TACR1: variants seen among roughly 807,000 people sequenced by gnomAD.
TACR1 encodes tachykinin receptor 1.
In TACR1, 25 loss-of-function variants were observed where a neutral mutation model predicts 35.8. The ratio of observed to expected loss-of-function variants is 0.70; its 90% CI spans 0.51 to 0.98. The LOEUF (loss-of-function observed/expected upper bound fraction) is 0.98. Among genes scored for constraint, TACR1 ranks in the 50% least tolerant of loss-of-function variants. TACR1 has a pLI of 0.00. For missense variants in TACR1, 478 were observed against 522.9 expected, an observed-to-expected ratio of 0.91 and a Z score of 0.84; for synonymous variants, 195 against 206.7, an observed-to-expected ratio of 0.94 and a Z score of 0.48.
chr2:75,055,387 C>G (rs927165432), intron 2 of TACR1, among the ~76,000 whole-genome samples: 1 of 152,248 alleles, frequency 6.6e-6, no homozygotes, highest in Admixed American at 6.5e-5. Context: ...ACCTGGCTTT[C>G]AAAGCCCTCT....
chr2:75,089,022 T>C (rs1365291577), intron 2 of TACR1, among the ~76,000 whole-genome samples: 1 of 152,136 alleles, frequency 6.6e-6, no homozygotes, highest in East Asian at 1.9e-4. Flanking sequence ...TTCCATCTGA[T>C]TATAGTGGTT....
intron 1 of TACR1, among the ~76,000 whole-genome samples, chr2:75,166,903 G>A (rs937133919): frequency 6.6e-6 from 1 of 152,222 alleles, no homozygotes; most frequent in Non-Finnish European, 1.5e-5. Flanking sequence ...AGATGCCTTA[G>A]TGTTCTTATA....
At chr2:75,080,494 A>G (rs1357098368) in intron 2 of TACR1, among the ~76,000 whole-genome samples, 1 of 152,166 alleles carries the variant, frequency 6.6e-6, no homozygotes, top group African/African-American at 2.4e-5. Context: ...GTCTTCCTAG[A>G]TCAGAACTTT....
chr2:75,073,081 T>C (rs968136118), intron 2 of TACR1, among the ~76,000 whole-genome samples: 1 of 152,166 alleles, frequency 6.6e-6, no homozygotes, highest in Non-Finnish European at 1.5e-5. Flanking sequence ...GAAACCTCTC[T>C]ATATAAGAGG....
chr2:75,169,614 A>T (rs1190888727), intron 1 of TACR1, among the ~76,000 whole-genome samples: 1 of 152,226 alleles, frequency 6.6e-6, no homozygotes, highest in Non-Finnish European at 1.5e-5. Flanking sequence ...CCTGGAATTC[A>T]AAATTTTACC....
chr2:75,131,983 A>G (rs1283283180), intron 1 of TACR1, among the ~76,000 whole-genome samples: 2 of 152,162 alleles, frequency 1.3e-5, no homozygotes, highest in Non-Finnish European at 2.9e-5. Flanking sequence ...CTGGCAAACA[A>G]AAAAGACATT....
intron 2 of TACR1, among the ~76,000 whole-genome samples, chr2:75,114,183 C>T (rs1050238367): frequency 7.2e-5 from 11 of 152,194 alleles, no homozygotes; most frequent in Non-Finnish European, 1.3e-4. Context: ...TGTTTTCTAA[C>T]ATAGCCTCCT....
chr2:75,191,550 T>C (rs930826447), intron 1 of TACR1, among the ~76,000 whole-genome samples: 6 of 151,934 alleles, frequency 3.9e-5, no homozygotes, highest in African/African-American at 1.5e-4. Flanking sequence ...CTGTTGAGGG[T>C]GGCAAGGTGT....
intron 2 of TACR1, among the ~76,000 whole-genome samples, chr2:75,114,361 T>C (rs991722832): frequency 6.6e-6 from 1 of 152,236 alleles, no homozygotes; most frequent in Non-Finnish European, 1.5e-5. Context: ...TGTCTAAATC[T>C]CATTTTTTTG....
chr2:75,104,927 A>G (rs142515828), intron 2 of TACR1, among the ~76,000 whole-genome samples: 31 of 152,166 alleles, frequency 2.0e-4, no homozygotes, highest in African/African-American at 4.8e-4. Flanking sequence ...ATACTTGTGC[A>G]TGGTTGATGG....
chr2:75,184,537 C>T (rs1224863951), intron 1 of TACR1, among the ~76,000 whole-genome samples: 1 of 150,854 alleles, frequency 6.6e-6, no homozygotes, highest in East Asian at 2.0e-4. Flanking sequence ...GAAAAAAAAC[C>T]AGAAAAATCA....
intron 1 of TACR1, chr2:75,156,198 C>A (rs965261992): frequency 6.6e-6 from 1 of 151,712 alleles, no homozygotes; most frequent in Non-Finnish European, 1.5e-5. Flanking sequence ...TTCTTGTAAG[C>A]GATAGAAGAG....
chr2:75,084,402 T>G (rs551647207), intron 2 of TACR1, among the ~76,000 whole-genome samples: 1 of 152,318 alleles, frequency 6.6e-6, no homozygotes, highest in South Asian at 2.1e-4. Context: ...TTTGGTTGTG[T>G]CTCTTCCAGG....
intron 1 of TACR1, among the ~76,000 whole-genome samples, chr2:75,166,280 G>A (rs955214101): frequency 1.3e-5 from 2 of 152,140 alleles, no homozygotes; most frequent in Admixed American, 6.6e-5. Context: ...TCAGAAACTA[G>A]CGCAAATCTT....
rs374043432 is a variant in TACR1, at chr2:75,178,986, G to T, written c.389+19560C>A. ...TATGGTTTTAGTTATATGTCAATAAGTCCCACATCTGTATCCCAGACATTA... is the reference window on the plus strand; with the variant it reads ...TATGGTTTTAGTTATATGTCAATAATTCCCACATCTGTATCCCAGACATTA... On this transcript the variant is annotated intron_variant, in intron 1 of 4. Coordinates refer to ENST00000305249, the MANE Select transcript of TACR1 (RefSeq NM_001058.4). 4.6e-5 allele frequency among the ~76,000 whole-genome samples: 7 copies of T among 152,096 alleles called. No individual in the cohort carries two copies. The East Asian group carries it at 1.2e-3, about 25-fold the overall frequency.
chr2:75,165,246 A>G (rs1443988270), intron 1 of TACR1, among the ~76,000 whole-genome samples: 1 of 152,192 alleles, frequency 6.6e-6, no homozygotes, highest in African/African-American at 2.4e-5. Flanking sequence ...CTCCTTAATT[A>G]AGGATACTCA....
intron 2 of TACR1, among the ~76,000 whole-genome samples, chr2:75,057,227 T>G (rs55838458): frequency 0.057 from 8,700 of 152,124 alleles, 828 homozygotes; most frequent in African/African-American, 0.2. Context: ...AAATTCCTTC[T>G]CCTGGCTCAT....
intron 2 of TACR1, among the ~76,000 whole-genome samples, chr2:75,080,194 A>T (rs1056664042): frequency 6.6e-6 from 1 of 152,212 alleles, no homozygotes; most frequent in Non-Finnish European, 1.5e-5. Context: ...AGTATAATGC[A>T]CATTTCAAAG....
intron 1 of TACR1, among the ~76,000 whole-genome samples, chr2:75,191,299 T>G (rs1387493862): frequency 6.6e-6 from 1 of 152,106 alleles, no homozygotes; most frequent in Non-Finnish European, 1.5e-5. Flanking sequence ...GAGAGTAGGT[T>G]TCTCCTGGTT....
Sources: gnomAD v4.1 joint callset for allele counts (sites outside exome capture counted in the v4.1 genomes callset) on GRCh38, gnomAD v4.1.1 for gene constraint, MANE v1.5 for transcripts, NCBI Gene and HGNC (gene_info 2026-07-23, HGNC 2026-07-21) for gene names.